LSAMP: variants seen among roughly 807,000 people sequenced by gnomAD.
LSAMP encodes the protein limbic system associated membrane protein, also known as limbic system-associated membrane protein.
In LSAMP, 7 loss-of-function variants were observed where a neutral mutation model predicts 38.6. The observed-to-expected ratio is 0.18, with a 90% CI of 0.10 to 0.34. The LOEUF is 0.34. Ranked by LOEUF, LSAMP falls within the 10% of genes least tolerant of loss-of-function variation. The probability of loss-of-function intolerance (pLI) is 1.00; values close to 1 mark genes in which losing one functional copy is unlikely to be tolerated. For missense variants in LSAMP, 313 were observed against 420.0 expected, an observed-to-expected ratio of 0.75 and a Z score of 2.23; for synonymous variants, 154 against 166.8, an observed-to-expected ratio of 0.92 and a Z score of 0.59.
chr3:116,077,059 G>T (rs748591110), intron 2 of LSAMP, among the ~76,000 whole-genome samples: 122 of 151,580 alleles, frequency 8.0e-4, no homozygotes, highest in Non-Finnish European at 7.7e-4. Flanking sequence ...TAATATATTT[G>T]TTAGTATTGT....
chr3:115,980,991 G>A (rs1467554042), intron 3 of LSAMP, among the ~76,000 whole-genome samples: 2 of 152,108 alleles, frequency 1.3e-5, no homozygotes, highest in South Asian at 2.1e-4. Flanking sequence ...GCTTAGGGGA[G>A]TACTTCCACT....
intron 3 of LSAMP, among the ~76,000 whole-genome samples, chr3:116,015,556 TG>T (rs1480631719): frequency 1.3e-5 from 2 of 152,088 alleles, no homozygotes; most frequent in Non-Finnish European, 2.9e-5. Context: ...ACTATATAAC[TG>T]AAGAGGGGAG....
intron 3 of LSAMP, among the ~76,000 whole-genome samples, chr3:115,867,755 CA>C (rs773869948): frequency 6.6e-6 from 1 of 152,056 alleles, no homozygotes; most frequent in Non-Finnish European, 1.5e-5. Flanking sequence ...TCAGGGCAAA[CA>C]GAGAGATTTG....
intron 3 of LSAMP, among the ~76,000 whole-genome samples, chr3:115,889,527 C>G (rs571714103): frequency 6.6e-6 from 1 of 151,922 alleles, no homozygotes; most frequent in South Asian, 2.1e-4. Flanking sequence ...AATATGAACA[C>G]AGCACTGGAT....
At chr3:116,091,795 C>T (rs180714593) in intron 1 of LSAMP, among the ~76,000 whole-genome samples, 71 of 152,252 alleles carry the variant, frequency 4.7e-4, no homozygotes, top group Admixed American at 5.9e-4. Context: ...TAGAAAGAAC[C>T]GGACCCTAAT....
intron 2 of LSAMP, among the ~76,000 whole-genome samples, chr3:116,067,438 T>A (rs1707484760): frequency 6.6e-6 from 1 of 152,206 alleles, no homozygotes; most frequent in African/African-American, 2.4e-5. Context: ...TACACACTGC[T>A]GTGAAATGTG....
chr3:115,859,609 A>C (rs890216536), intron 3 of LSAMP, among the ~76,000 whole-genome samples: 2 of 152,196 alleles, frequency 1.3e-5, no homozygotes, highest in African/African-American at 4.8e-5. Flanking sequence ...CAAAGGATGT[A>C]GTTAGTACCC....
chr3:115,922,749 T>A (rs966201729), intron 3 of LSAMP, among the ~76,000 whole-genome samples: 1 of 152,150 alleles, frequency 6.6e-6, no homozygotes, highest in Non-Finnish European at 1.5e-5. Flanking sequence ...GCCTCTGAAA[T>A]CTTTTGGGGA....
chr3:116,103,447 AGAGT>A (rs2107454181), intron 1 of LSAMP, among the ~76,000 whole-genome samples: 1 of 142,086 alleles, frequency 7.0e-6, no homozygotes, highest in South Asian at 2.4e-4. Context: ...CCTGGGTGAC[AGAGT>A]GAGACTCCTT....
chr3:115,853,304 T>C (rs1476329973), intron 3 of LSAMP, among the ~76,000 whole-genome samples: 1 of 152,218 alleles, frequency 6.6e-6, no homozygotes, highest in Non-Finnish European at 1.5e-5. Flanking sequence ...AACTACATCA[T>C]CCTAGAGGCT....
At chr3:116,023,411 G>A (rs1383733357) in intron 2 of LSAMP, among the ~76,000 whole-genome samples, 5 of 150,966 alleles carry the variant, frequency 3.3e-5, no homozygotes, top group East Asian at 3.9e-4. Flanking sequence ...TGGCTAACAC[G>A]GTGAAACCCC....
intron 3 of LSAMP, among the ~76,000 whole-genome samples, chr3:115,865,791 A>G (rs1935840975): frequency 2.0e-5 from 3 of 152,194 alleles, no homozygotes; most frequent in African/African-American, 7.2e-5. Context: ...GCATTCAGAA[A>G]CATATACCTT....
At chr3:115,868,581 G>A (rs947394986) in intron 3 of LSAMP, among the ~76,000 whole-genome samples, 2 of 151,946 alleles carry the variant, frequency 1.3e-5, no homozygotes, top group African/African-American at 4.8e-5. Flanking sequence ...TCCCCTAAAC[G>A]AGCATAAATA....
At chr3:116,107,498 G>A (rs1321453049) in intron 1 of LSAMP, among the ~76,000 whole-genome samples, 1 of 152,152 alleles carries the variant, frequency 6.6e-6, no homozygotes, top group Non-Finnish European at 1.5e-5. Context: ...TAAGAATTCT[G>A]ACTGCACTAA....
At chr3:115,813,432 A>G (rs182803385) in intron 6 of LSAMP, among the ~76,000 whole-genome samples, 143 of 152,284 alleles carry the variant, frequency 9.4e-4, no homozygotes, top group Middle Eastern at 3.4e-3. Context: ...AGTATATTCT[A>G]TGATGTTCAC....
At chr3:116,333,560 A>T (rs1483537527) in intron 1 of LSAMP, among the ~76,000 whole-genome samples, 3 of 151,904 alleles carry the variant, frequency 2.0e-5, no homozygotes, top group Non-Finnish European at 4.4e-5. Flanking sequence ...AAGATATCAT[A>T]CAAGTATCTT....
chr3:116,187,166 T>C (rs965341410), intron 1 of LSAMP, among the ~76,000 whole-genome samples: 4 of 152,138 alleles, frequency 2.6e-5, no homozygotes, highest in African/African-American at 9.7e-5. Flanking sequence ...ATATTGCACA[T>C]GGTGCACAGG....
chr3:116,263,413 C>T (rs891568058), intron 1 of LSAMP, among the ~76,000 whole-genome samples: 1 of 151,982 alleles, frequency 6.6e-6, no homozygotes, highest in African/African-American at 2.4e-5. Flanking sequence ...CGGTGCATGC[C>T]TGTAATCCCA....
chr3:116,366,186 T>C (rs1274814376), intron 1 of LSAMP, among the ~76,000 whole-genome samples: 1 of 150,594 alleles, frequency 6.6e-6, no homozygotes, highest in Non-Finnish European at 1.5e-5. Flanking sequence ...AAAAAAAAAA[T>C]CTCATTCAAA....
Sources: gnomAD v4.1 joint callset for allele counts (sites outside exome capture counted in the v4.1 genomes callset) on GRCh38, gnomAD v4.1.1 for gene constraint, MANE v1.5 for transcripts, NCBI Gene and HGNC (gene_info 2026-07-23, HGNC 2026-07-21) for gene names.